Variants in ASCC3 observed in about 807,000 individuals in gnomAD.
ASCC3 encodes ASC-1 complex subunit P200.
ASCC3 carries 158 observed loss-of-function variants against 256.3 expected under a neutral mutation model. The observed-to-expected ratio is 0.62, with a 90% CI of 0.54 to 0.70. The LOEUF (loss-of-function observed/expected upper bound fraction) is 0.70. Ranked by LOEUF, ASCC3 falls within the 30% of genes least tolerant of loss-of-function variation. ASCC3 has a pLI of 0.00. For synonymous variants in ASCC3, 948 were observed against 883.4 expected (o/e 1.07, Z -1.30); for missense variants, 2,259 against 2,626.0 (o/e 0.86, Z 3.05).
intron 37 of ASCC3, among the ~76,000 whole-genome samples, chr6:100,532,404 A>AT (rs1409003785): frequency 1.5e-3 from 74 of 47,956 alleles, no homozygotes; most frequent in East Asian, 0.014. Flanking sequence ...ATATATATAT[A>AT]TATTTTTTTT....
At chr6:100,595,944 A>C (rs1772270590) in intron 34 of ASCC3, among the ~76,000 whole-genome samples, 1 of 152,104 alleles carries the variant, frequency 6.6e-6, no homozygotes, top group African/African-American at 2.4e-5. Flanking sequence ...CTAGTTTTTA[A>C]AGATAAATGC....
At chr6:100,570,967 C>T (rs763686857) in intron 36 of ASCC3, among the ~76,000 whole-genome samples, 17 of 152,170 alleles carry the variant, frequency 1.1e-4, no homozygotes, top group South Asian at 8.3e-4. Flanking sequence ...CTCATGTGGA[C>T]TTTCTGCAGC....
chr6:100,536,465 T>C (rs1394710806), intron 37 of ASCC3, among the ~76,000 whole-genome samples: 2 of 152,216 alleles, frequency 1.3e-5, no homozygotes, highest in East Asian at 1.9e-4. Flanking sequence ...CAAGTAGCAA[T>C]GGAATGCAGC....
chr6:100,730,502 C>A (rs996704294), intron 10 of ASCC3, among the ~76,000 whole-genome samples: 1 of 152,186 alleles, frequency 6.6e-6, no homozygotes, highest in African/African-American at 2.4e-5. Context: ...AAATCACATT[C>A]TAACACTATA....
At position 100,826,510 on chromosome 6, in the gene ASCC3, T is replaced by C. The variant is rs370372950; in HGVS notation, c.802-20630A>G. Among the ~76,000 whole-genome samples, 14 of 152,338 alleles carry C rather than the reference T, an allele frequency of 9.2e-5. No individual in the cohort carries two copies. In the East Asian group the frequency reaches 2.5e-3, roughly 27 times the overall value. On this transcript the variant is annotated intron_variant, in intron 4 of 41. Transcript: ENST00000369162. ...CTTTTGTACTGTTTCCTCATTTTAG[T>C]CTTTTGGAAGCTTTCTAAGTCCACA... is the stretch of plus-strand genomic sequence containing the variant.
rs1005538582 is a variant in ASCC3, at chr6:100,763,468, G to A, written c.1737+3097C>T. On this transcript the variant is annotated intron_variant, in intron 10 of 41. Coordinates refer to ENST00000369162, the MANE Select transcript of ASCC3 (RefSeq NM_006828.4). ...AAAATACATAAATCTGTAGGAGATCGGTCAGGGTGGTGGGAAAAGTTAACA... is the reference window on the plus strand; with the variant it reads ...AAAATACATAAATCTGTAGGAGATCAGTCAGGGTGGTGGGAAAAGTTAACA... Among the ~76,000 whole-genome samples the A allele has an allele frequency of 7.2e-5, 11 of 152,220 alleles. No individual in the cohort carries two copies. In the East Asian group the frequency reaches 7.7e-4, roughly 11 times the overall value.
chr6:100,666,353 T>A (rs1472645508), intron 14 of ASCC3, among the ~76,000 whole-genome samples: 1 of 152,186 alleles, frequency 6.6e-6, no homozygotes, highest in African/African-American at 2.4e-5. Flanking sequence ...GCATGAATCT[T>A]ACGGGTCACA....
At chr6:100,674,958 T>C (rs960453452) in intron 14 of ASCC3, among the ~76,000 whole-genome samples, 1 of 152,096 alleles carries the variant, frequency 6.6e-6, no homozygotes, top group Non-Finnish European at 1.5e-5. Context: ...ATAGGCATCA[T>C]TGCCACTTTG....
intron 29 of ASCC3, among the ~76,000 whole-genome samples, chr6:100,626,978 G>A (rs1370761860): frequency 2.0e-5 from 3 of 152,098 alleles, no homozygotes; most frequent in East Asian, 1.9e-4. Flanking sequence ...CTTTGCTTCT[G>A]TCATAAGGCT....
At chr6:100,819,717 C>G (rs528104753) in intron 4 of ASCC3, among the ~76,000 whole-genome samples, 17 of 152,108 alleles carry the variant, frequency 1.1e-4, no homozygotes, top group Non-Finnish European at 2.5e-4. Context: ...TATTCTTCTG[C>G]CTGCTTTATT....
intron 24 of ASCC3, 145 bp from the exon 25 acceptor site, chr6:100,638,966 C>A (rs970323470): frequency 7.0e-6 from 5 of 710,288 alleles, no homozygotes; most frequent in African/African-American, 5.3e-5. Flanking sequence ...CATTACAGAT[C>A]TGGCATTTCA....
intron 37 of ASCC3, among the ~76,000 whole-genome samples, chr6:100,523,565 G>GA (rs1052785602): frequency 6.6e-6 from 1 of 152,120 alleles, no homozygotes; most frequent in African/African-American, 2.4e-5. Context: ...TCTCTGTAAG[G>GA]AAATTTTTAA....
In ASCC3 at chr6:100,518,131, G is replaced by A. The variant is rs766657659; in HGVS notation, c.5787C>T (p.Asp1929=). ...QALRVCQAML[D]VAANQGWLVT... is the part of the protein sequence containing the mutation. ...CCAGCCAGCCCTGGTTTGCAGCCAC[G>A]TCCAGCATTGCCTGAACAGGGAAAA... Residue 1929 remains aspartate, a synonymous_variant, in exon 38 of 42, where the codon GAC becomes GAT. Transcript: ENST00000369162. 13 of 1,613,326 alleles carry A rather than the reference G, an allele frequency of 8.1e-6. 1 individual carries two copies. Among genetic ancestry groups the A allele is most frequent in the Middle Eastern group, 1.6e-4 (1 of 6,080 alleles).
At position 100,658,282 on chromosome 6, in the gene ASCC3, T is replaced by C. The variant is rs549093475; in HGVS notation, c.2704-2464A>G. 9.2e-5 allele frequency among the ~76,000 whole-genome samples: 14 copies of C among 151,482 alleles called. No homozygotes were observed. The East Asian group carries it at 2.7e-3, about 29-fold the overall frequency. On this transcript the variant is annotated intron_variant, in intron 16 of 41. Transcript: ENST00000369162. Reference sequence around the variant, plus strand: ...TGTTAAATAAAAGAGAAAAATAAAATCCCCCACGAATTTGGTAATTTAGAA... The same window carrying C: ...TGTTAAATAAAAGAGAAAAATAAAACCCCCCACGAATTTGGTAATTTAGAA...
At chr6:100,712,344 G>C (rs1778889182) in intron 13 of ASCC3, among the ~76,000 whole-genome samples, 1 of 152,034 alleles carries the variant, frequency 6.6e-6, no homozygotes, top group African/African-American at 2.4e-5. Flanking sequence ...TAACAGACTG[G>C]AAGAAAATAT....
At chr6:100,775,601 TATA>T (rs1188216935) in intron 8 of ASCC3, among the ~76,000 whole-genome samples, 1 of 152,062 alleles carries the variant, frequency 6.6e-6, no homozygotes, top group Non-Finnish European at 1.5e-5. Flanking sequence ...AAAAAATCTT[TATA>T]ATATTATTGC....
intron 13 of ASCC3, among the ~76,000 whole-genome samples, chr6:100,688,895 A>C (rs1203404058): frequency 6.6e-6 from 1 of 152,204 alleles, no homozygotes; most frequent in Non-Finnish European, 1.5e-5. Context: ...ACAATAATGT[A>C]GAAATTAACT....
Position 100,607,243 on chromosome 6 carries a change from T to C in ASCC3, c.4786-155A>G, listed in dbSNP as rs565878387. Among the ~76,000 whole-genome samples, 32 of 152,216 alleles carry C rather than the reference T, an allele frequency of 2.1e-4. No individual in the cohort carries two copies. In the South Asian group the frequency reaches 6.2e-3, roughly 30 times the overall value. ...CAGTTATGATTAAAGTTCAACTAAC[T>C]GAAAAGAATATCTACTTGGTGAGAA... is the stretch of plus-strand genomic sequence containing the variant. On this transcript the variant is annotated intron_variant, in intron 30 of 41. Coordinates refer to ENST00000369162, the MANE Select transcript of ASCC3 (RefSeq NM_006828.4).
At chr6:100,633,605 C>T (rs910756622) in intron 25 of ASCC3, among the ~76,000 whole-genome samples, 33 of 151,870 alleles carry the variant, frequency 2.2e-4, no homozygotes, top group African/African-American at 8.0e-4. Flanking sequence ...GTTGCTCAGG[C>T]CTGTAATCCC....
Sources: allele counts gnomAD v4.1 joint callset (sites outside exome capture counted in the v4.1 genomes callset), GRCh38; gene constraint gnomAD v4.1.1; transcripts MANE v1.5; gene names NCBI Gene and HGNC (gene_info 2026-07-23, HGNC 2026-07-21).